Variants in FTCDNL1 observed in about 807,000 individuals in gnomAD.
FTCDNL1 encodes formiminotransferase cyclodeaminase N-terminal like, also known as formiminotransferase N-terminal subdomain-containing protein.
A neutral mutation model predicts 5.9 loss-of-function variants in FTCDNL1; 11 were observed. The observed-to-expected ratio is 1.87, with a 90% CI of 1.18 to 3.10. The LOEUF (loss-of-function observed/expected upper bound fraction) is 3.10. FTCDNL1 is among the 30% of genes most tolerant of loss of function. FTCDNL1 has a pLI of 0.00. For synonymous variants in FTCDNL1, 58 were observed against 24.8 expected, an observed-to-expected ratio of 2.34 and a Z score of -3.99; for missense variants, 115 against 65.5, an observed-to-expected ratio of 1.76 and a Z score of -2.61.
chr2:199,747,695 A>G, the FTCDNL1 span, among the ~76,000 whole-genome samples: 2 of 152,182 alleles, frequency 1.3e-5, no homozygotes, highest in Admixed American at 6.5e-5. Context: ...ATTGCCGTAC[A>G]CTGAACCCAG....
chr2:199,700,163 C>A, the FTCDNL1 span, among the ~76,000 whole-genome samples: 58 of 152,116 alleles, frequency 3.8e-4, no homozygotes, highest in Non-Finnish European at 6.8e-4. Flanking sequence ...ATAGTCTCTG[C>A]CCAAAGGCTC....
chr2:199,844,040 G>A lies in FTCDNL1; in HGVS notation c.211+2035C>T, dbSNP rs529486031. Among the ~76,000 whole-genome samples, 8 of 152,150 alleles carry A rather than the reference G, an allele frequency of 5.3e-5. No individual in the cohort carries two copies. In the South Asian group the frequency reaches 1.7e-3, roughly 32 times the overall value. Reference sequence around the variant, plus strand: ...TCATTACCCCTGCTCAAGAAAATAGGACACAGATAGATAGGCAAAACACAC... The same window carrying A: ...TCATTACCCCTGCTCAAGAAAATAGAACACAGATAGATAGGCAAAACACAC... On this transcript the variant is annotated intron_variant, in intron 3 of 4. Transcript: ENST00000420128.
chr2:199,708,439 T>C, the FTCDNL1 span, among the ~76,000 whole-genome samples: 108 of 152,286 alleles, frequency 7.1e-4, no homozygotes, highest in African/African-American at 2.4e-3. Flanking sequence ...TCTTGAAATA[T>C]GTAATATTTT....
At chr2:199,704,325 CA>C in the FTCDNL1 span, among the ~76,000 whole-genome samples, 1 of 151,984 alleles carries the variant, frequency 6.6e-6, no homozygotes, top group Non-Finnish European at 1.5e-5. Context: ...AAGACAAAAA[CA>C]AAAACCAAGG....
chr2:199,742,447 T>G, the FTCDNL1 span, among the ~76,000 whole-genome samples: 1 of 152,222 alleles, frequency 6.6e-6, no homozygotes, highest in African/African-American at 2.4e-5. Flanking sequence ...CTGGAGAATT[T>G]TGCACTGAGA....
the FTCDNL1 span, among the ~76,000 whole-genome samples, chr2:199,737,965 G>C: frequency 6.6e-6 from 1 of 152,186 alleles, no homozygotes; most frequent in Non-Finnish European, 1.5e-5. Flanking sequence ...TGGGGAAGCT[G>C]CCTCAATGAC....
At chr2:199,781,767 CTT>C (rs1402604858) in intron 3 of FTCDNL1, among the ~76,000 whole-genome samples, 3 of 121,544 alleles carry the variant, frequency 2.5e-5, no homozygotes, top group Non-Finnish European at 5.6e-5. Context: ...GTTTTTTTTT[CTT>C]GTTTTTTGTT....
the FTCDNL1 span, among the ~76,000 whole-genome samples, chr2:199,742,918 C>A: frequency 6.6e-6 from 1 of 152,116 alleles, no homozygotes; most frequent in Non-Finnish European, 1.5e-5. Flanking sequence ...ACAAATGGGT[C>A]TCGCAAAAAC....
At chr2:199,769,487 A>C (rs1178430794) in intron 3 of FTCDNL1, among the ~76,000 whole-genome samples, 1 of 144,382 alleles carries the variant, frequency 6.9e-6, no homozygotes. Flanking sequence ...AGGCCCCCCC[A>C]GCCATGTGGA....
chr2:199,774,763 G>A (rs536687502), intron 3 of FTCDNL1, among the ~76,000 whole-genome samples: 6 of 152,124 alleles, frequency 3.9e-5, no homozygotes, highest in South Asian at 4.2e-4. Flanking sequence ...CTGACCCTCA[G>A]GTTTTTCTGT....
the FTCDNL1 span, among the ~76,000 whole-genome samples, chr2:199,696,336 A>G: frequency 6.6e-6 from 1 of 152,036 alleles, no homozygotes; most frequent in Non-Finnish European, 1.5e-5. Flanking sequence ...GCACATGAAC[A>G]TGGACCCTGC....
the FTCDNL1 span, among the ~76,000 whole-genome samples, chr2:199,690,327 T>A: frequency 3.9e-5 from 6 of 152,172 alleles, no homozygotes; most frequent in Non-Finnish European, 7.3e-5. Context: ...CCCCACTACA[T>A]TAAAATCGAA....
At chr2:199,774,076 A>G (rs1262739379) in intron 3 of FTCDNL1, among the ~76,000 whole-genome samples, 1 of 152,180 alleles carries the variant, frequency 6.6e-6, no homozygotes, top group Non-Finnish European at 1.5e-5. Flanking sequence ...CCATTCTTGA[A>G]TGTACTCATC....
chr2:199,781,811 G>A (rs1006906910), intron 3 of FTCDNL1, among the ~76,000 whole-genome samples: 2 of 151,464 alleles, frequency 1.3e-5, no homozygotes, highest in East Asian at 1.9e-4. Flanking sequence ...AAGGAGTCTC[G>A]CTCTGTCGCC....
the FTCDNL1 span, among the ~76,000 whole-genome samples, chr2:199,698,829 A>G: frequency 2.0e-5 from 3 of 152,174 alleles, no homozygotes; most frequent in African/African-American, 7.2e-5. Flanking sequence ...AGCAAAGGCA[A>G]AAATTGGTTC....
intron 3 of FTCDNL1, among the ~76,000 whole-genome samples, chr2:199,803,325 G>C (rs1052114801): frequency 1.3e-5 from 2 of 152,086 alleles, no homozygotes; most frequent in African/African-American, 4.8e-5. Flanking sequence ...CTGCCATAGA[G>C]GGGTGAGTCA....
At chr2:199,701,871 C>G in the FTCDNL1 span, among the ~76,000 whole-genome samples, 1 of 152,012 alleles carries the variant, frequency 6.6e-6, no homozygotes, top group Admixed American at 6.6e-5. Flanking sequence ...CCCGTCTCTA[C>G]TAAAAATACA....
the FTCDNL1 span, among the ~76,000 whole-genome samples, chr2:199,666,712 C>A: frequency 5.9e-5 from 9 of 152,020 alleles, no homozygotes; most frequent in East Asian, 1.7e-3. Context: ...GTCAGGAGTT[C>A]GAGACCAGCC....
At chr2:199,737,935 C>CTTGAA in the FTCDNL1 span, among the ~76,000 whole-genome samples, 8 of 152,144 alleles carry the variant, frequency 5.3e-5, no homozygotes, top group Non-Finnish European at 8.8e-5. Flanking sequence ...ACATAAGGTT[C>CTTGAA]CCTGTTTCTT....
Sources: gnomAD v4.1 joint callset for allele counts (sites outside exome capture counted in the v4.1 genomes callset) on GRCh38, gnomAD v4.1.1 for gene constraint, MANE v1.5 for transcripts, NCBI Gene and HGNC (gene_info 2026-07-23, HGNC 2026-07-21) for gene names.